Variants in PCGF5 observed in about 807,000 individuals in gnomAD.
The protein encoded by PCGF5 is polycomb group RING finger protein 5.
In PCGF5, 9 loss-of-function variants were observed where a neutral mutation model predicts 44.3. That is an observed-to-expected ratio of 0.20 (90% CI 0.12 to 0.35). The LOEUF (loss-of-function observed/expected upper bound fraction) is 0.35. Ranked by LOEUF, PCGF5 falls within the 10% of genes least tolerant of loss-of-function variation. PCGF5 has a pLI of 1.00. For synonymous variants in PCGF5, 95 were observed against 102.5 expected (o/e 0.93, Z 0.44); for missense variants, 146 against 305.3 (o/e 0.48, Z 3.89).
chr10:91,253,332 T>A (rs573664619), intron 6 of PCGF5, among the ~76,000 whole-genome samples: 1 of 152,022 alleles, frequency 6.6e-6, no homozygotes, highest in South Asian at 2.1e-4. Context: ...TCTCGCCCCC[T>A]ACCATTCCAC....
At chr10:91,251,508 A>G (rs1267228015) in intron 6 of PCGF5, 68 bp downstream of exon 6, 15 of 1,413,452 alleles carry the variant, frequency 1.1e-5, no homozygotes, top group African/African-American at 1.5e-5. Context: ...TTTGTTGACA[A>G]ATTTTCTAAT....
chr10:91,162,675 C>G (rs1843406462), upstream of PCGF5, among the ~76,000 whole-genome samples: 1 of 151,420 alleles, frequency 6.6e-6, no homozygotes, highest in Non-Finnish European at 1.5e-5. Flanking sequence ...TGGGCACCGC[C>G]GTGGGCCGTG....
chr10:91,227,446 T>C, intron 2 of PCGF5: 1 of 1,289,368 alleles, frequency 7.8e-7, no homozygotes, highest in Non-Finnish European at 1.0e-6. Flanking sequence ...AAGCAAGAAA[T>C]ATGCTCCATG....
intron 6 of PCGF5, among the ~76,000 whole-genome samples, chr10:91,253,442 G>A (rs1462004892): frequency 6.6e-6 from 1 of 151,922 alleles, no homozygotes; most frequent in Non-Finnish European, 1.5e-5. Context: ...GAAGTGTTAT[G>A]TCTCTATTTT....
intron 3 of PCGF5, among the ~76,000 whole-genome samples, chr10:91,241,995 GATGCTAATAT>G (rs1845339881): frequency 6.6e-6 from 1 of 152,056 alleles, no homozygotes; most frequent in Non-Finnish European, 1.5e-5. Context: ...CTCTCTAGGT[GATGCTAATAT>G]ATGCTAACAT....
intron 1 of PCGF5, among the ~76,000 whole-genome samples, chr10:91,193,718 T>C (rs1376918581): frequency 4.6e-5 from 7 of 152,124 alleles, no homozygotes; most frequent in East Asian, 1.9e-4. Flanking sequence ...TTTGATGTAA[T>C]TTTTTAAAGG....
At chr10:91,245,527 ATTTTG>A (rs1241584430) in intron 3 of PCGF5, among the ~76,000 whole-genome samples, 1 of 119,672 alleles carries the variant, frequency 8.4e-6, no homozygotes, top group Non-Finnish European at 1.6e-5. Context: ...AAGGTTCTTT[ATTTTG>A]TTTTGATATA....
intron 7 of PCGF5, 34 bp downstream of exon 7, chr10:91,261,458 G>A: frequency 1.4e-6 from 2 of 1,385,408 alleles, no homozygotes; most frequent in Non-Finnish European, 9.5e-7. Flanking sequence ...TGATCATTTT[G>A]ATAATTCTGA....
chr10:91,254,619 C>G (rs1564651393), intron 6 of PCGF5, among the ~76,000 whole-genome samples: 1 of 152,006 alleles, frequency 6.6e-6, no homozygotes, highest in African/African-American at 2.4e-5. Flanking sequence ...TCTCAGCCAT[C>G]TCATTCCTCT....
At chr10:91,217,634 C>A (rs1005251060), upstream of PCGF5, among the ~76,000 whole-genome samples, 4 of 152,194 alleles carry the variant, frequency 2.6e-5, no homozygotes, top group African/African-American at 7.2e-5. Flanking sequence ...TACTCAAATG[C>A]AGCAGTTATC....
chr10:91,238,397 T>A (rs919291133), intron 2 of PCGF5, among the ~76,000 whole-genome samples: 1 of 151,770 alleles, frequency 6.6e-6, no homozygotes, highest in Non-Finnish European at 1.5e-5. Context: ...GAAGATAGGG[T>A]CCTACCCTTA....
At chr10:91,218,712 A>G (rs1161549343), upstream of PCGF5, among the ~76,000 whole-genome samples, 1 of 151,890 alleles carries the variant, frequency 6.6e-6, no homozygotes, top group East Asian at 1.9e-4. Flanking sequence ...GGCTCACTGC[A>G]ACTTCCACCT....
At chr10:91,244,731 A>C (rs886964310) in intron 3 of PCGF5, among the ~76,000 whole-genome samples, 1 of 152,192 alleles carries the variant, frequency 6.6e-6, no homozygotes, top group African/African-American at 2.4e-5. Context: ...AGATCCAGCA[A>C]GGTTTGCTGG....
At chr10:91,212,452 A>G (rs1415973261) in intron 1 of PCGF5, among the ~76,000 whole-genome samples, 1 of 152,228 alleles carries the variant, frequency 6.6e-6, no homozygotes, top group African/African-American at 2.4e-5. Flanking sequence ...AGTCACAGAG[A>G]ACTCTTATTC....
At chr10:91,189,460 G>C (rs1315507388) in intron 1 of PCGF5, among the ~76,000 whole-genome samples, 2 of 151,704 alleles carry the variant, frequency 1.3e-5, no homozygotes, top group Non-Finnish European at 2.9e-5. Flanking sequence ...AGATTTCTCT[G>C]TAAATTATTG....
intron 2 of PCGF5, among the ~76,000 whole-genome samples, chr10:91,228,547 G>A (rs975380037): frequency 5.3e-5 from 8 of 152,080 alleles, no homozygotes; most frequent in African/African-American, 1.4e-4. Flanking sequence ...TACAAAGAAG[G>A]ATTAATTGAT....
Position 91,248,742 on chromosome 10 carries a change from C to G in PCGF5, c.325+18C>G. 6.3e-7 allele frequency: 1 copy of G among 1,588,634 alleles called. No individual in the cohort carries two copies. Among genetic ancestry groups the G allele is most frequent in the Non-Finnish European group, 8.6e-7 (1 of 1,161,988 alleles). On this transcript the variant is annotated intron_variant, in intron 5 of 9. Coordinates refer to ENST00000336126, the MANE Select transcript of PCGF5 (RefSeq NM_032373.5). ...TGGACAAGGTGACTTTTTCTTATGT[C>G]TGTTTCTGACAGCACCTCTTAAACT... is the stretch of plus-strand genomic sequence containing the variant.
intron 1 of PCGF5, among the ~76,000 whole-genome samples, chr10:91,221,848 A>G (rs1844689509): frequency 6.6e-6 from 1 of 152,240 alleles, no homozygotes; most frequent in African/African-American, 2.4e-5. Context: ...ACGTAACTAT[A>G]AATCAAAATA....
intron 1 of PCGF5, among the ~76,000 whole-genome samples, chr10:91,188,001 A>ACATTATTATACAT (rs1448638577): frequency 3.3e-5 from 5 of 151,252 alleles, no homozygotes; most frequent in South Asian, 2.1e-4. Context: ...TATACTTTTA[A>ACATTATTATACAT]GTTTTAGGGT....
Sources: allele counts gnomAD v4.1 joint callset (sites outside exome capture counted in the v4.1 genomes callset), GRCh38; gene constraint gnomAD v4.1.1; transcripts MANE v1.5; gene names NCBI Gene and HGNC (gene_info 2026-07-23, HGNC 2026-07-21).